Variants in SLC1A2 observed in about 807,000 individuals in gnomAD.
SLC1A2 encodes excitatory amino acid transporter 2.
In SLC1A2, 15 loss-of-function variants were observed where a neutral mutation model predicts 48.8. The observed-to-expected ratio is 0.31, with a 90% CI of 0.21 to 0.47. The LOEUF (loss-of-function observed/expected upper bound fraction) is 0.47. Among genes scored for constraint, SLC1A2 ranks in the 20% least tolerant of loss-of-function variants. SLC1A2 has a pLI of 0.99. For missense variants in SLC1A2, 502 were observed against 730.5 expected (o/e 0.69, Z 3.61); for synonymous variants, 279 against 272.6 (o/e 1.02, Z -0.23).
intron 1 of SLC1A2, among the ~76,000 whole-genome samples, chr11:35,333,431 A>AG (rs1852499741): frequency 6.6e-6 from 1 of 151,476 alleles, no homozygotes; most frequent in South Asian, 2.1e-4. Context: ...AAAAAAAAAA[A>AG]AGCAAAAACC....
chr11:35,405,134 T>G (rs4328187), intron 1 of SLC1A2, among the ~76,000 whole-genome samples: 2 of 152,134 alleles, frequency 1.3e-5, no homozygotes, highest in Admixed American at 1.3e-4. Flanking sequence ...CCCACCAGGA[T>G]GCAATAAATA....
chr11:35,407,016 T>C (rs1855316109), intron 1 of SLC1A2, among the ~76,000 whole-genome samples: 1 of 151,266 alleles, frequency 6.6e-6, no homozygotes, highest in Admixed American at 6.6e-5. Context: ...GCATAAATGA[T>C]GAAGGGTTAA....
At chr11:35,370,277 C>A (rs1301439667) in intron 1 of SLC1A2, among the ~76,000 whole-genome samples, 1 of 152,100 alleles carries the variant, frequency 6.6e-6, no homozygotes, top group Non-Finnish European at 1.5e-5. Context: ...AGAACTGGGG[C>A]TAGGTTTATG....
At chr11:35,394,788 CG>C (rs1261375099) in intron 1 of SLC1A2, among the ~76,000 whole-genome samples, 4 of 152,172 alleles carry the variant, frequency 2.6e-5, no homozygotes, top group Non-Finnish European at 4.4e-5. Context: ...ACTGTTAAGC[CG>C]TTGGGCACGA....
At chr11:35,292,544 CA>C in intron 6 of SLC1A2, 24 bp from the exon 7 acceptor site, 2 of 1,494,136 alleles carry the variant, frequency 1.3e-6, no homozygotes, top group South Asian at 2.3e-5. Flanking sequence ...AAGGGAAAAA[CA>C]GCATTGAAGA....
intron 1 of SLC1A2, among the ~76,000 whole-genome samples, chr11:35,342,852 T>C (rs985818887): frequency 1.3e-5 from 2 of 152,190 alleles, no homozygotes; most frequent in African/African-American, 4.8e-5. Flanking sequence ...CAGCATCTCT[T>C]TTCTGAACTT....
chr11:35,317,262 A>C, intron 2 of SLC1A2, 115 bp downstream of exon 2: 2 of 1,174,128 alleles, frequency 1.7e-6, no homozygotes, highest in Non-Finnish European at 2.4e-6. Context: ...GGCCCTAGGC[A>C]AACCACGTGG....
At chr11:35,314,942 C>A in intron 3 of SLC1A2, 81 bp downstream of exon 3, 1 of 1,023,392 alleles carries the variant, frequency 9.8e-7, no homozygotes. Flanking sequence ...TTCACTCAAC[C>A]AAATTGAGAT....
intron 1 of SLC1A2, among the ~76,000 whole-genome samples, chr11:35,405,741 G>A (rs1286461168): frequency 6.6e-6 from 1 of 152,170 alleles, no homozygotes; most frequent in African/African-American, 2.4e-5. Flanking sequence ...AAGATGAGCT[G>A]CTTCCCAACT....
chr11:35,331,302 T>C (rs1237195326), intron 1 of SLC1A2, among the ~76,000 whole-genome samples: 1 of 152,236 alleles, frequency 6.6e-6, no homozygotes, highest in Non-Finnish European at 1.5e-5. Flanking sequence ...CCATCGCCCA[T>C]GGAAGCCTTT....
Position 35,312,378 on chromosome 11 carries a change from C to T in SLC1A2, c.381G>A (p.Thr127=), listed in dbSNP as rs754402943. The part of the protein sequence containing the change: ...GTRAMVYYMS[T]TIIAAVLGVI... ...CCCCCAGTACTGCAGCAATGATGGT[C>T]GTGGACATGTAATACACCATGGCTC... Residue 127 remains threonine, a synonymous_variant, in exon 4 of 11, where the codon ACG becomes ACA. Transcript: ENST00000278379. 9 of 1,614,002 alleles carry T rather than the reference C, an allele frequency of 5.6e-6. No individual in the cohort carries two copies. Among genetic ancestry groups the T allele is most frequent in the African/African-American group, 4.0e-5 (3 of 74,922 alleles).
chr11:35,280,168 CT>C (rs112958380), intron 9 of SLC1A2, among the ~76,000 whole-genome samples: 1 of 151,328 alleles, frequency 6.6e-6, no homozygotes, highest in Non-Finnish European at 1.5e-5. Flanking sequence ...TTTCTTTTTT[CT>C]TTTTTTTTCT....
intron 1 of SLC1A2, among the ~76,000 whole-genome samples, chr11:35,346,730 A>G (rs1229513555): frequency 6.6e-6 from 1 of 152,264 alleles, no homozygotes; most frequent in Non-Finnish European, 1.5e-5. Context: ...TGAAATCATA[A>G]AGAAGTCAGA....
At chr11:35,303,819 T>C (rs1851424416) in intron 5 of SLC1A2, among the ~76,000 whole-genome samples, 2 of 152,016 alleles carry the variant, frequency 1.3e-5, no homozygotes, top group Non-Finnish European at 2.9e-5. Flanking sequence ...CTTAAAGAAG[T>C]GGGAGGCAAG....
intron 9 of SLC1A2, among the ~76,000 whole-genome samples, chr11:35,273,276 C>T (rs976326267): frequency 6.6e-6 from 1 of 152,150 alleles, no homozygotes; most frequent in African/African-American, 2.4e-5. Context: ...CAGCTCTGGG[C>T]ATTCAAGGGC....
chr11:35,382,625 G>C (rs938479059), intron 1 of SLC1A2, among the ~76,000 whole-genome samples: 1 of 152,164 alleles, frequency 6.6e-6, no homozygotes, highest in Non-Finnish European at 1.5e-5. Context: ...GTGAAACCCT[G>C]TCTCTACTAA....
At chr11:35,285,021 T>C (rs1850766292) in intron 8 of SLC1A2, among the ~76,000 whole-genome samples, 1 of 152,198 alleles carries the variant, frequency 6.6e-6, no homozygotes, top group Non-Finnish European at 1.5e-5. Context: ...CCAAAGTTTC[T>C]AATATAGAGA....
chr11:35,327,225 C>T (rs1852277968), intron 1 of SLC1A2, among the ~76,000 whole-genome samples: 1 of 152,070 alleles, frequency 6.6e-6, no homozygotes, highest in Admixed American at 6.6e-5. Flanking sequence ...GATTTGTGTG[C>T]TTTTTTGTCT....
At chr11:35,374,692 CCTT>C (rs1854168674) in intron 1 of SLC1A2, among the ~76,000 whole-genome samples, 1 of 152,196 alleles carries the variant, frequency 6.6e-6, no homozygotes, top group Non-Finnish European at 1.5e-5. Context: ...TATCTACTCA[CCTT>C]CTAGATTTTT....
Sources: allele counts gnomAD v4.1 joint callset (sites outside exome capture counted in the v4.1 genomes callset), GRCh38; gene constraint gnomAD v4.1.1; transcripts MANE v1.5; gene names NCBI Gene and HGNC (gene_info 2026-07-23, HGNC 2026-07-21).